The following SYNE2 variants were observed in gnomAD, a reference collection of about 807,000 sequenced individuals.
SYNE2 encodes the protein spectrin repeat containing nuclear envelope protein 2.
Under a neutral mutation model 856.3 loss-of-function variants are expected in SYNE2, and 431 were observed. The ratio of observed to expected loss-of-function variants is 0.50; its 90% CI spans 0.47 to 0.55. The LOEUF is 0.55. SYNE2 is among the 20% of genes least tolerant of loss of function. The pLI is 0.00. For missense variants in SYNE2, 8,129 were observed against 8,023.2 expected (o/e 1.01, Z -0.50); for synonymous variants, 2,923 against 2,872.3 (o/e 1.02, Z -0.56).
intron 1 of SYNE2, among the ~76,000 whole-genome samples, chr14:63,900,447 CA>C (rs1339598781): frequency 1.3e-5 from 2 of 152,090 alleles, no homozygotes; most frequent in Admixed American, 6.5e-5. Context: ...AGAGCTTGTG[CA>C]GGAAAACTCC....
rs755553726 is a variant in SYNE2, at chr14:64,053,524, G to A, written c.9611G>A (p.Cys3204Tyr). 1.9e-6 allele frequency: 3 copies of A among 1,614,236 alleles called. No homozygotes were observed. The highest frequency in any genetic ancestry group is 2.2e-5 in the East Asian group (1 of 44,894). ...CAGGAGCAAGTTTGGGCAGAAATGT[G>A]TAGTATTAAAGCTGTGACTGCTATT... ...AFQEQVWAEM[C>Y]SIKAVTAIEK... Residue 3204 changes from cysteine to tyrosine, a missense_variant, in exon 48 of 116, where the codon TGT (cysteine) becomes TAT (tyrosine). Physicochemically the swap from Cys to Tyr is radical, Grantham distance 194. Coordinates refer to ENST00000555002, the MANE Select transcript of SYNE2 (RefSeq NM_182914.3).
intron 1 of SYNE2, among the ~76,000 whole-genome samples, chr14:63,863,249 T>C (rs1894232192): frequency 6.6e-6 from 1 of 152,190 alleles, no homozygotes; most frequent in Non-Finnish European, 1.5e-5. Flanking sequence ...TGCTCCATGG[T>C]GTCTTTTTTT....
At position 63,916,873 on chromosome 14, in the gene SYNE2, C is replaced by T. The variant is rs1282661179; in HGVS notation, c.79+7646C>T. 2.6e-5 allele frequency among the ~76,000 whole-genome samples: 4 copies of T among 151,892 alleles called. No individual in the cohort carries two copies. In the East Asian group the frequency reaches 7.7e-4, roughly 29 times the overall value. ...CTGAAATGGGAGTACTGCTTGAGCC[C>T]AGGAGTTTGAGACCAGCCTGGGCAA... On this transcript the variant is annotated intron_variant, in intron 2 of 115. Transcript: ENST00000555002.
chr14:64,215,277 C>CTTT lies in SYNE2; in HGVS notation c.19334-6_19334-4dup. On this transcript the variant is annotated splice_polypyrimidine_tract_variant and intron_variant, in intron 106 of 115. Transcript: ENST00000555002. ...CTCCAGTGAGGCAAATGACATTGTT[C>CTTT]TTTTTCAGATGTAGAAATCCCTGAA... is the stretch of plus-strand genomic sequence containing the variant. The CTTT allele has an allele frequency of 6.2e-7, 1 of 1,614,024 alleles. No homozygotes were observed. The highest frequency in any genetic ancestry group is 1.1e-5 in the South Asian group (1 of 91,078).
rs1374156704 is a variant in SYNE2 at position 64,107,523 on chromosome 14, T to C, written c.12525T>C (p.Asn4175=). The C allele has an allele frequency of 6.2e-7, 1 of 1,614,166 alleles. No homozygotes were observed. The highest frequency in any genetic ancestry group is 1.7e-5 in the Admixed American group (1 of 60,026). Residue 4175 remains asparagine (N), a synonymous_variant, in exon 65 of 116, where the codon AAT becomes AAC. Transcript: ENST00000555002. ...EAYGKISTSD[N]SMAQILTPDS... Reference sequence around the variant, plus strand: ...ATGGGAAAATAAGCACCTCTGATAATTCCATGGCACAAATCCTCACACCAG... The same window carrying C: ...ATGGGAAAATAAGCACCTCTGATAACTCCATGGCACAAATCCTCACACCAG...
chr14:64,013,767 C>T (rs2096867020), intron 32 of SYNE2, among the ~76,000 whole-genome samples: 1 of 152,052 alleles, frequency 6.6e-6, no homozygotes, highest in Non-Finnish European at 1.5e-5. Context: ...ATTGATTTTT[C>T]ATTTTAAATA....
intron 66 of SYNE2, 105 bp from the exon 67 acceptor site, chr14:64,119,322 C>T: frequency 7.0e-7 from 1 of 1,422,570 alleles, no homozygotes; most frequent in Non-Finnish European, 9.7e-7. Context: ...GTTTCTGGGA[C>T]TTCTTGTATA....
Position 64,052,221 on chromosome 14 carries a change from G to A in SYNE2, c.8308G>A (p.Val2770Met), listed in dbSNP as rs375362522. The change falls in exon 48 of 116, where the codon GTG becomes ATG. Residue 2770 changes from valine (V) to methionine (M), a missense_variant. Physicochemically the swap from Val to Met is conservative, Grantham distance 21. Around this residue, in one of 3 missense-constraint regions of SYNE2, gnomAD observed 5,410 missense variants for 5,284.8 expected, o/e 1.02. Transcript: ENST00000555002. ...DILSQIRKCK[V>M]THDGILARQQ... The stretch of plus-strand genomic sequence containing the variant: ...TCTTTCACAGATCAGAAAGTGCAAA[G>A]TGACACATGATGGCATTCTAGCTAG... 40 of 1,614,072 alleles carry A rather than the reference G, an allele frequency of 2.5e-5. No homozygotes were observed. The African/African-American group carries it at 2.7e-4, about 11-fold the overall frequency.
rs558494680 is a variant in SYNE2 at position 63,856,183 on chromosome 14, G to C, written c.-52+3040G>C. ...GAGGGTAGGACTAAATGACAGGGTG[G>C]AAATCAGGTGTCAGATCATGCAGGG... On this transcript the variant is annotated intron_variant, in intron 1 of 115. Coordinates refer to ENST00000555002, the MANE Select transcript of SYNE2 (RefSeq NM_182914.3). Among the ~76,000 whole-genome samples, 17 of 152,168 alleles carry C rather than the reference G, an allele frequency of 1.1e-4. No homozygotes were observed. The South Asian group carries it at 1.2e-3, about 11-fold the overall frequency.
intron 1 of SYNE2, among the ~76,000 whole-genome samples, chr14:63,880,818 A>C (rs1455980968): frequency 6.6e-6 from 1 of 151,104 alleles, no homozygotes. Context: ...GACTACAGGC[A>C]TGTGCCACTG....
intron 2 of SYNE2, among the ~76,000 whole-genome samples, chr14:63,915,695 T>A (rs1170042948): frequency 6.6e-6 from 1 of 152,214 alleles, no homozygotes; most frequent in African/African-American, 2.4e-5. Context: ...TTTAATGCTG[T>A]TATTGTCTAG....
intron 7 of SYNE2, among the ~76,000 whole-genome samples, chr14:63,952,680 A>G (rs2096181340): frequency 6.6e-6 from 1 of 152,250 alleles, no homozygotes; most frequent in East Asian, 1.9e-4. Context: ...AAGCATTTAG[A>G]ACAGTTTCTG....
At chr14:64,096,355 G>T (rs1326711975) in intron 61 of SYNE2, among the ~76,000 whole-genome samples, 2 of 152,174 alleles carry the variant, frequency 1.3e-5, no homozygotes, top group Admixed American at 6.5e-5. Flanking sequence ...CATGCCATCA[G>T]TGCAAATGTC....
intron 105 of SYNE2, among the ~76,000 whole-genome samples, chr14:64,213,365 C>T (rs2098651441): frequency 6.6e-6 from 1 of 152,144 alleles, no homozygotes; most frequent in South Asian, 2.1e-4. Flanking sequence ...TTTGCCCTTC[C>T]CTCTTTCTTA....
chr14:64,149,154 AG>A (rs2098217365), intron 84 of SYNE2, among the ~76,000 whole-genome samples: 1 of 151,584 alleles, frequency 6.6e-6, no homozygotes, highest in South Asian at 2.1e-4. Flanking sequence ...AAAAAAAAAA[AG>A]TTATCTGGGC....
At chr14:63,990,235 T>A (rs1174176404) in intron 19 of SYNE2, among the ~76,000 whole-genome samples, 176 bp from the exon 20 acceptor site, 1 of 152,228 alleles carries the variant, frequency 6.6e-6, no homozygotes, top group Non-Finnish European at 1.5e-5. Context: ...GTTCAGAATC[T>A]GATTGTATCA....
chr14:64,093,269 A>C (rs907188049), intron 60 of SYNE2, 80 bp from the exon 61 acceptor site: 3 of 1,547,426 alleles, frequency 1.9e-6, no homozygotes, highest in African/African-American at 2.7e-5. Context: ...TAAAACTTCC[A>C]TGGGGCTAGA....
intron 1 of SYNE2, among the ~76,000 whole-genome samples, chr14:63,869,646 A>AAAAC (rs1274723032): frequency 9.9e-5 from 15 of 151,430 alleles, no homozygotes; most frequent in Middle Eastern, 3.4e-3. Flanking sequence ...CAAAAAAAAA[A>AAAAC]AAAAAAAAAA....
intron 8 of SYNE2, among the ~76,000 whole-genome samples, chr14:63,959,217 A>G (rs1442313856): frequency 1.3e-5 from 1 of 77,920 alleles, no homozygotes; most frequent in Non-Finnish European, 2.9e-5. Flanking sequence ...TATATTTGTA[A>G]GCTCACAGCC....
Sources: gnomAD v4.1 joint callset for allele counts (sites outside exome capture counted in the v4.1 genomes callset) on GRCh38, gnomAD v4.1.1 for gene constraint, gnomAD v4.1.1 regional missense constraint, MANE v1.5 for transcripts, NCBI Gene and HGNC (gene_info 2026-07-23, HGNC 2026-07-21) for gene names.